Variants in PDZRN4 observed in about 807,000 individuals in gnomAD.
The protein encoded by PDZRN4 is PDZ domain-containing RING finger protein 4.
PDZRN4 carries 70 observed loss-of-function variants against 99.0 expected under a neutral mutation model. That is an observed-to-expected ratio of 0.71 (90% CI 0.58 to 0.86). The LOEUF is 0.86. Among genes scored for constraint, PDZRN4 ranks in the 40% least tolerant of loss-of-function variants. The probability of loss-of-function intolerance (pLI) is 0.00; values close to 1 mark genes in which losing one functional copy is unlikely to be tolerated. For missense variants in PDZRN4, 1,474 were observed against 1,331.2 expected (o/e 1.11, Z -1.67); for synonymous variants, 551 against 501.6 (o/e 1.10, Z -1.32).
rs190892277 is a variant in PDZRN4 at position 41,229,419 on chromosome 12, T to C, written c.843+35231T>C. Among the ~76,000 whole-genome samples, 51 of 152,172 alleles carry C rather than the reference T, an allele frequency of 3.4e-4. No individual in the cohort carries two copies. In the East Asian group the frequency reaches 8.4e-3, roughly 25 times the overall value. ...ATTCCCTGTGCACTGTGATGTCTGT[T>C]AAATCTGCTTTCTCATTAAACAGCA... On this transcript the variant is annotated intron_variant, in intron 3 of 9. Coordinates refer to ENST00000402685, the MANE Select transcript of PDZRN4 (RefSeq NM_001164595.2).
intron 3 of PDZRN4, among the ~76,000 whole-genome samples, chr12:41,406,858 C>CAAAAAA (rs758320141): frequency 8.5e-5 from 4 of 46,908 alleles, no homozygotes; most frequent in African/African-American, 1.3e-4. Flanking sequence ...AACTCCGTCT[C>CAAAAAA]AAAAAAAAAA....
At chr12:41,247,539 T>C (rs1951141188) in intron 3 of PDZRN4, among the ~76,000 whole-genome samples, 1 of 152,204 alleles carries the variant, frequency 6.6e-6, no homozygotes, top group South Asian at 2.1e-4. Flanking sequence ...TCTTCCTCTG[T>C]GGTAGGGTTC....
intron 3 of PDZRN4, among the ~76,000 whole-genome samples, chr12:41,496,892 G>A (rs1303784039): frequency 6.6e-6 from 1 of 152,096 alleles, no homozygotes; most frequent in Non-Finnish European, 1.5e-5. Context: ...AGTGCGTTTT[G>A]TACAGAAGCA....
chr12:41,292,349 A>T (rs1470538410), intron 3 of PDZRN4, among the ~76,000 whole-genome samples: 2 of 152,198 alleles, frequency 1.3e-5, no homozygotes, highest in African/African-American at 4.8e-5. Flanking sequence ...AGCTGGTTTC[A>T]TGTTGCTGGA....
chr12:41,246,740 A>G (rs139560236), intron 3 of PDZRN4, among the ~76,000 whole-genome samples: 18 of 152,266 alleles, frequency 1.2e-4, no homozygotes, highest in African/African-American at 4.3e-4. Flanking sequence ...AGCAAATATG[A>G]GTTCAACTCT....
intron 3 of PDZRN4, chr12:41,411,462 G>A (rs560946499): frequency 6.6e-6 from 1 of 152,174 alleles, no homozygotes; most frequent in Non-Finnish European, 1.5e-5. Context: ...GCACCTGTGA[G>A]TGAGAACTGT....
At chr12:41,502,475 A>T (rs992396849) in intron 3 of PDZRN4, among the ~76,000 whole-genome samples, 1 of 152,068 alleles carries the variant, frequency 6.6e-6, no homozygotes, top group Non-Finnish European at 1.5e-5. Flanking sequence ...CCCATAACAC[A>T]TGGGTATTTT....
At chr12:41,426,647 T>C (rs1290743998) in intron 3 of PDZRN4, among the ~76,000 whole-genome samples, 2 of 151,168 alleles carry the variant, frequency 1.3e-5, no homozygotes, top group East Asian at 4.7e-4. Context: ...CTTAATAGAA[T>C]TTTTTTGAGA....
intron 3 of PDZRN4, among the ~76,000 whole-genome samples, chr12:41,465,211 A>G (rs1952913201): frequency 6.6e-6 from 1 of 152,204 alleles, no homozygotes; most frequent in South Asian, 2.1e-4. Context: ...CTAAGGGCGT[A>G]AGAATCATCT....
At chr12:41,549,854 A>C (rs1939022342) in intron 5 of PDZRN4, among the ~76,000 whole-genome samples, 1 of 152,140 alleles carries the variant, frequency 6.6e-6, no homozygotes, top group Non-Finnish European at 1.5e-5. Context: ...CTCATACCTC[A>C]AGGACTCCAA....
chr12:41,483,551 T>A (rs1286317248), intron 3 of PDZRN4, among the ~76,000 whole-genome samples: 1 of 152,090 alleles, frequency 6.6e-6, no homozygotes, highest in Non-Finnish European at 1.5e-5. Context: ...CGCTATTCCT[T>A]TGTAAAAGCA....
chr12:41,406,622 G>A (rs11180899), intron 3 of PDZRN4, among the ~76,000 whole-genome samples: 29,068 of 151,902 alleles, frequency 0.19, 3,043 homozygotes, highest in Non-Finnish European at 0.23. Flanking sequence ...GGCCCGGCAC[G>A]GTGGCTCACG....
At chr12:41,202,115 T>A (rs747045537) in intron 3 of PDZRN4, among the ~76,000 whole-genome samples, 15 of 152,144 alleles carry the variant, frequency 9.9e-5, no homozygotes, top group Non-Finnish European at 1.6e-4. Flanking sequence ...ATATTTTCAA[T>A]GTTTCCAAGC....
intron 3 of PDZRN4, among the ~76,000 whole-genome samples, chr12:41,347,610 C>T (rs2121030227): frequency 6.6e-6 from 1 of 152,132 alleles, no homozygotes; most frequent in East Asian, 1.9e-4. Flanking sequence ...TTTTCAGTTT[C>T]TGATGATATT....
At position 41,557,522 on chromosome 12, in the gene PDZRN4, A is replaced by T. The variant is rs115797239; in HGVS notation, c.1365+1762A>T. ...GACAGGAACATACACAGATGATTAC[A>T]GTACAGCATGACACTGTCATGGTAA... On this transcript the variant is annotated intron_variant, in intron 7 of 9. Coordinates refer to ENST00000402685, the MANE Select transcript of PDZRN4 (RefSeq NM_001164595.2). Among the ~76,000 whole-genome samples the T allele has an allele frequency of 5.2e-3, 795 of 152,270 alleles. 9 individuals carry two copies. The highest frequency in any genetic ancestry group is 0.018 in the African/African-American group (758 of 41,546).
intron 3 of PDZRN4, among the ~76,000 whole-genome samples, chr12:41,248,987 A>G (rs1377714525): frequency 6.6e-6 from 1 of 152,192 alleles, no homozygotes; most frequent in Non-Finnish European, 1.5e-5. Context: ...CATAGTACTT[A>G]GATAGTTTTA....
intron 3 of PDZRN4, among the ~76,000 whole-genome samples, chr12:41,478,150 C>T (rs1188911198): frequency 2.0e-5 from 3 of 152,154 alleles, no homozygotes; most frequent in Non-Finnish European, 4.4e-5. Context: ...AAGACTCACT[C>T]TGTCACCCAG....
intron 3 of PDZRN4, among the ~76,000 whole-genome samples, chr12:41,340,604 A>G (rs1266460636): frequency 1.3e-5 from 2 of 151,978 alleles, no homozygotes; most frequent in Non-Finnish European, 2.9e-5. Context: ...TTCATAACAC[A>G]AAGAAATGAT....
At chr12:41,411,067 AT>A (rs113666260) in intron 3 of PDZRN4, among the ~76,000 whole-genome samples, 13 of 140,434 alleles carry the variant, frequency 9.3e-5, no homozygotes, top group African/African-American at 1.6e-4. Flanking sequence ...ATATATATAT[AT>A]TTTTTTTTTA....
Sources: allele counts gnomAD v4.1 joint callset (sites outside exome capture counted in the v4.1 genomes callset), GRCh38; gene constraint gnomAD v4.1.1; transcripts MANE v1.5; gene names NCBI Gene and HGNC (gene_info 2026-07-23, HGNC 2026-07-21).